CNTN4: variants seen among roughly 807,000 people sequenced by gnomAD.
The protein encoded by CNTN4 is contactin 4, also known as contactin-4.
A neutral mutation model predicts 122.5 loss-of-function variants in CNTN4; 77 were observed. That is an observed-to-expected ratio of 0.63 (90% confidence interval 0.52 to 0.76). The LOEUF is 0.76. Ranked by LOEUF, CNTN4 falls within the 30% of genes least tolerant of loss-of-function variation. The pLI is 0.00. For missense variants in CNTN4, 1,256 were observed against 1,259.1 expected, an observed-to-expected ratio of 1.00 and a Z score of 0.04; for synonymous variants, 512 against 447.0, an observed-to-expected ratio of 1.15 and a Z score of -1.83.
At chr3:2,374,455 A>G (rs1450018463) in intron 3 of CNTN4, among the ~76,000 whole-genome samples, 1 of 152,210 alleles carries the variant, frequency 6.6e-6, no homozygotes, top group Non-Finnish European at 1.5e-5. Flanking sequence ...TACCCATTTC[A>G]TTAGATTGCT....
chr3:2,320,923 T>C (rs2043256154), intron 2 of CNTN4, among the ~76,000 whole-genome samples: 1 of 152,096 alleles, frequency 6.6e-6, no homozygotes, highest in Non-Finnish European at 1.5e-5. Flanking sequence ...GCAGTGAAAC[T>C]CTAAAAAATA....
intron 3 of CNTN4, among the ~76,000 whole-genome samples, chr3:2,502,941 T>C (rs184924604): frequency 2.0e-5 from 3 of 152,332 alleles, no homozygotes; most frequent in Admixed American, 2.0e-4. Flanking sequence ...AACTATACTG[T>C]TGTATGTCCT....
intron 2 of CNTN4, among the ~76,000 whole-genome samples, chr3:2,223,916 G>A (rs539306056): frequency 8.5e-5 from 13 of 152,214 alleles, no homozygotes; most frequent in East Asian, 3.9e-4. Context: ...CTTATGTAGC[G>A]TCCTGAGCTT....
At chr3:2,783,772 G>A (rs62232881) in intron 6 of CNTN4, among the ~76,000 whole-genome samples, 7,618 of 152,182 alleles carry the variant, frequency 0.05, 250 homozygotes, top group Non-Finnish European at 0.072. Context: ...ATCCATTTTC[G>A]GCATTTTGAA....
chr3:2,702,562 C>G (rs1449860017), intron 4 of CNTN4, among the ~76,000 whole-genome samples: 1 of 152,208 alleles, frequency 6.6e-6, no homozygotes, highest in East Asian at 1.9e-4. Context: ...AAATTTAAAA[C>G]AGCTTGAATG....
At chr3:2,140,809 T>C (rs903409307) in intron 2 of CNTN4, among the ~76,000 whole-genome samples, 3 of 152,214 alleles carry the variant, frequency 2.0e-5, no homozygotes. Context: ...AATTCTTCCT[T>C]TTATTCCCTG....
chr3:2,613,274 T>G (rs1045759081), intron 4 of CNTN4, among the ~76,000 whole-genome samples: 3 of 152,122 alleles, frequency 2.0e-5, no homozygotes, highest in Non-Finnish European at 2.9e-5. Flanking sequence ...CTGTTTCTTC[T>G]CGCTTCTCAT....
chr3:2,706,031 TATAG>T (rs893071035), intron 4 of CNTN4, among the ~76,000 whole-genome samples: 3 of 143,684 alleles, frequency 2.1e-5, no homozygotes, highest in Non-Finnish European at 4.5e-5. Flanking sequence ...TACATATTTA[TATAG>T]ATAGACACAC....
intron 6 of CNTN4, among the ~76,000 whole-genome samples, chr3:2,782,277 C>T (rs193049640): frequency 1.7e-4 from 26 of 149,978 alleles, no homozygotes; most frequent in Admixed American, 1.7e-3. Context: ...GGAGGAAGTC[C>T]ATTTAGATGG....
At chr3:2,835,225 T>C (rs2093200192) in intron 7 of CNTN4, among the ~76,000 whole-genome samples, 1 of 152,066 alleles carries the variant, frequency 6.6e-6, no homozygotes, top group Admixed American at 6.6e-5. Flanking sequence ...ATTTTTATTA[T>C]TAAAATACAC....
At position 2,521,056 on chromosome 3, in the gene CNTN4, C is replaced by T. The variant is rs114872387; in HGVS notation, c.-88-50360C>T. On this transcript the variant is annotated intron_variant, in intron 3 of 24. Transcript: ENST00000418658. ...TCCAAGCCACCCTTTGGATCTGAGGCGCCTTGTCCCTATTTTCACTACTTC... is the reference window on the plus strand; with the variant it reads ...TCCAAGCCACCCTTTGGATCTGAGGTGCCTTGTCCCTATTTTCACTACTTC... Among the ~76,000 whole-genome samples, 1,002 of 152,128 alleles carry T rather than the reference C, an allele frequency of 6.6e-3. 16 individuals carry two copies. The highest frequency in any genetic ancestry group is 0.022 in the African/African-American group (930 of 41,520).
chr3:2,193,728 A>G (rs34078564), intron 2 of CNTN4, among the ~76,000 whole-genome samples: 45,809 of 152,134 alleles, frequency 0.3, 8,667 homozygotes, highest in Non-Finnish European at 0.42. Context: ...TCACATATGC[A>G]TGACTATGGC....
At chr3:2,446,392 T>C (rs1183719717) in intron 3 of CNTN4, among the ~76,000 whole-genome samples, 1 of 152,148 alleles carries the variant, frequency 6.6e-6, no homozygotes, top group Admixed American at 6.6e-5. Flanking sequence ...GAGATTTGAG[T>C]GTAGAATCTG....
chr3:2,577,595 C>T (rs1397782413), intron 4 of CNTN4, among the ~76,000 whole-genome samples: 2 of 152,144 alleles, frequency 1.3e-5, no homozygotes, highest in African/African-American at 4.8e-5. Context: ...ACAATTCTAT[C>T]TGTACACATG....
At chr3:2,490,164 GCAA>G (rs1375510659) in intron 3 of CNTN4, among the ~76,000 whole-genome samples, 76 of 702 alleles carry the variant, frequency 0.11, no homozygotes, top group Admixed American at 0.2. Context: ...AAGAAAACAA[GCAA>G]ACAAGCAAAC....
chr3:2,486,790 G>A (rs1201069430), intron 3 of CNTN4, among the ~76,000 whole-genome samples: 5 of 152,124 alleles, frequency 3.3e-5, no homozygotes, highest in African/African-American at 1.2e-4. Flanking sequence ...GATAATTGGA[G>A]AATATTGGGT....
chr3:2,286,322 G>T (rs2041902841), intron 2 of CNTN4, among the ~76,000 whole-genome samples: 1 of 145,484 alleles, frequency 6.9e-6, no homozygotes, highest in African/African-American at 2.5e-5. Context: ...GTATACACCA[G>T]TTTCTAATTG....
intron 3 of CNTN4, among the ~76,000 whole-genome samples, chr3:2,553,210 G>C (rs2078585608): frequency 6.6e-6 from 1 of 152,156 alleles, no homozygotes; most frequent in Admixed American, 6.6e-5. Context: ...AGCCTGGGGA[G>C]ATACTCACAT....
At chr3:2,716,963 T>G (rs1252862197) in intron 4 of CNTN4, among the ~76,000 whole-genome samples, 1 of 152,228 alleles carries the variant, frequency 6.6e-6, no homozygotes, top group African/African-American at 2.4e-5. Context: ...TTTTCATGGA[T>G]GAATAATATT....
Sources: gnomAD v4.1 joint callset for allele counts (sites outside exome capture counted in the v4.1 genomes callset) on GRCh38, gnomAD v4.1.1 for gene constraint, MANE v1.5 for transcripts, NCBI Gene and HGNC (gene_info 2026-07-23, HGNC 2026-07-21) for gene names.